The following RBFOX1 variants were observed in gnomAD, a reference collection of about 807,000 sequenced individuals.
RBFOX1 encodes the protein RNA binding protein fox-1 homolog 1.
A neutral mutation model predicts 57.7 loss-of-function variants in RBFOX1; 8 were observed. The ratio of observed to expected loss-of-function variants is 0.14; its 90% confidence interval spans 0.08 to 0.25. The LOEUF (loss-of-function observed/expected upper bound fraction) is 0.25. Ranked by LOEUF, RBFOX1 falls within the 10% of genes least tolerant of loss-of-function variation. RBFOX1 has a pLI of 1.00. For missense variants in RBFOX1, 611 were observed against 548.5 expected, an observed-to-expected ratio of 1.11 and a Z score of -1.14; for synonymous variants, 326 against 222.4, an observed-to-expected ratio of 1.47 and a Z score of -4.15.
intron 1 of RBFOX1, among the ~76,000 whole-genome samples, chr16:6,279,432 A>C (rs945406398): frequency 6.6e-6 from 1 of 152,298 alleles, no homozygotes; most frequent in South Asian, 2.1e-4. Flanking sequence ...GACAATCTGT[A>C]AACAGCTTCC....
At chr16:5,296,173 A>G (rs1223538800) in intron 1 of RBFOX1, among the ~76,000 whole-genome samples, 1 of 151,986 alleles carries the variant, frequency 6.6e-6, no homozygotes, top group Admixed American at 6.6e-5. Flanking sequence ...TTCCAATCTG[A>G]CTTGTCTGAA....
chr16:7,332,808 G>A, intron 4 of RBFOX1: 2 of 1,405,780 alleles, frequency 1.4e-6, no homozygotes, highest in East Asian at 2.5e-5. Context: ...CGTCTGGGAA[G>A]AAAACTTTCA....
intron 11 of RBFOX1, among the ~76,000 whole-genome samples, chr16:7,646,864 C>A (rs956101697): frequency 6.6e-6 from 1 of 151,954 alleles, no homozygotes; most frequent in African/African-American, 2.4e-5. Context: ...AGGTAAGCAC[C>A]ATGTTCGTAA....
intron 2 of RBFOX1, among the ~76,000 whole-genome samples, chr16:5,588,188 T>C (rs1449706835): frequency 6.6e-6 from 1 of 152,114 alleles, no homozygotes; most frequent in Admixed American, 6.5e-5. Flanking sequence ...AGATCGGTGA[T>C]TGCTTGGGGC....
At chr16:6,250,273 A>G (rs544714197) in intron 1 of RBFOX1, among the ~76,000 whole-genome samples, 5 of 152,142 alleles carry the variant, frequency 3.3e-5, no homozygotes, top group South Asian at 2.1e-4. Context: ...GGTGCTCAGT[A>G]TGTGTTTAAT....
intron 3 of RBFOX1, among the ~76,000 whole-genome samples, chr16:6,799,363 G>A (rs1445436605): frequency 1.3e-5 from 2 of 151,982 alleles, no homozygotes; most frequent in African/African-American, 2.4e-5. Flanking sequence ...AGTCTTTGTA[G>A]TTAAAAAAAG....
intron 3 of RBFOX1, among the ~76,000 whole-genome samples, chr16:5,849,286 T>C (rs1004600478): frequency 1.3e-5 from 2 of 152,158 alleles, no homozygotes; most frequent in Non-Finnish European, 2.9e-5. Context: ...AGCAGTCATG[T>C]GGATTTGGGA....
In RBFOX1 at chr16:5,278,085, T is replaced by C. The variant is rs79751833; in HGVS notation, c.219+37980T>C. The stretch of plus-strand genomic sequence containing the variant: ...AGTTTTTTGAGAAATCTCTGTGCTT[T>C]TTAAAATAATGGCTGTACTAATTTA... On this transcript the variant is annotated intron_variant, in intron 1 of 2. Coordinates refer to the RBFOX1 transcript ENST00000585867. Among the ~76,000 whole-genome samples, 106 of 152,338 alleles carry C rather than the reference T, an allele frequency of 7.0e-4. 1 individual carries two copies. The East Asian group carries it at 0.01, about 15-fold the overall frequency.
intron 3 of RBFOX1, among the ~76,000 whole-genome samples, chr16:6,980,081 G>C (rs2088283335): frequency 6.6e-6 from 1 of 152,148 alleles, no homozygotes; most frequent in South Asian, 2.1e-4. Context: ...CCTTGACCCT[G>C]GTGTTAGAGT....
chr16:5,756,223 C>CAA (rs5815266), intron 3 of RBFOX1, among the ~76,000 whole-genome samples: 1,979 of 50,642 alleles, frequency 0.039, 21 homozygotes, highest in East Asian at 0.088. Context: ...TCCACATAAG[C>CAA]AAAAAAAAAA....
chr16:5,721,906 A>G (rs1268003566), intron 3 of RBFOX1, among the ~76,000 whole-genome samples: 1 of 152,220 alleles, frequency 6.6e-6, no homozygotes, highest in Non-Finnish European at 1.5e-5. Context: ...GTGGAAAGAC[A>G]AACACAAATT....
intron 2 of RBFOX1, among the ~76,000 whole-genome samples, chr16:6,463,256 A>G (rs1461110903): frequency 1.3e-5 from 2 of 152,210 alleles, no homozygotes; most frequent in African/African-American, 2.4e-5. Flanking sequence ...CCTAATGACA[A>G]CATTAATTCC....
In RBFOX1 at chr16:7,587,317, A is replaced by G. The variant is rs1304225131; in HGVS notation, c.468+17A>G. 1 of 1,539,806 alleles carries G rather than the reference A, an allele frequency of 6.5e-7. No homozygotes were observed. Among genetic ancestry groups the G allele is most frequent in the Non-Finnish European group, 8.7e-7 (1 of 1,143,716 alleles). ...GGCTCAAAGGTAAGCAACTTAATTC[A>G]CTTTAGAATTGTTTAGTTTATTTTT... On this transcript the variant is annotated intron_variant, in intron 7 of 15. Transcript: ENST00000550418.
In RBFOX1 at chr16:6,935,535, C is replaced by G. The variant is rs1048067884; in HGVS notation, c.-15-116522C>G. ...GTCTCATGGCAATAGATAACTCACA[C>G]TTTCAGTAGTATTTGCAGCCAAGAT... On this transcript the variant is annotated intron_variant, in intron 3 of 15. Coordinates refer to ENST00000550418, the MANE Select transcript of RBFOX1 (RefSeq NM_018723.4). Among the ~76,000 whole-genome samples, 3 of 152,174 alleles carry G rather than the reference C, an allele frequency of 2.0e-5. No homozygotes were observed. In the East Asian group the frequency reaches 5.8e-4, roughly 29 times the overall value.
chr16:5,949,601 C>T (rs532335631), intron 4 of RBFOX1, among the ~76,000 whole-genome samples: 16 of 151,292 alleles, frequency 1.1e-4, no homozygotes, highest in Admixed American at 3.3e-4. Context: ...TACAATGTCT[C>T]GAGTCTTTTG....
chr16:6,908,602 C>T (rs76962643), intron 3 of RBFOX1, among the ~76,000 whole-genome samples: 1,539 of 152,294 alleles, frequency 0.01, 19 homozygotes, highest in African/African-American at 0.034. Flanking sequence ...GCTGAACCCC[C>T]GTGATTTAGG....
chr16:5,295,432 A>G (rs1440598683), intron 1 of RBFOX1, among the ~76,000 whole-genome samples: 1 of 152,342 alleles, frequency 6.6e-6, no homozygotes. Context: ...TCAGGAATCT[A>G]GGCGTGACTC....
chr16:7,686,324 AT>A (rs2076056378), intron 14 of RBFOX1, among the ~76,000 whole-genome samples: 2 of 152,042 alleles, frequency 1.3e-5, no homozygotes, highest in Non-Finnish European at 2.9e-5. Context: ...GGGAATAGAA[AT>A]TGGGAACCGC....
intron 1 of RBFOX1, among the ~76,000 whole-genome samples, chr16:6,268,885 GA>G (rs2074870566): frequency 6.6e-6 from 1 of 152,118 alleles, no homozygotes; most frequent in Admixed American, 6.5e-5. Flanking sequence ...ATCAGTGGGG[GA>G]CTGGTTCCAG....
Sources: allele counts gnomAD v4.1 joint callset (sites outside exome capture counted in the v4.1 genomes callset), GRCh38; gene constraint gnomAD v4.1.1; transcripts MANE v1.5; gene names NCBI Gene and HGNC (gene_info 2026-07-23, HGNC 2026-07-21).